Variants in ADAMTS7 observed in about 807,000 individuals in gnomAD.
ADAMTS7 encodes the protein A disintegrin and metalloproteinase with thrombospondin motifs 7.
ADAMTS7 carries 89 observed loss-of-function variants against 172.6 expected under a neutral mutation model. The ratio of observed to expected loss-of-function variants is 0.52; its 90% CI spans 0.43 to 0.61. The LOEUF (loss-of-function observed/expected upper bound fraction) is 0.61. Among genes scored for constraint, ADAMTS7 ranks in the 20% least tolerant of loss-of-function variants. ADAMTS7 has a pLI of 0.00. For synonymous variants in ADAMTS7, 885 were observed against 978.4 expected, an observed-to-expected ratio of 0.90 and a Z score of 1.78; for missense variants, 1,973 against 2,355.6, an observed-to-expected ratio of 0.84 and a Z score of 3.36.
At chr15:78,790,876 G>A (rs938295243) in intron 5 of ADAMTS7, 82 bp from the exon 6 acceptor site, 67 of 1,581,622 alleles carry the variant, frequency 4.2e-5, no homozygotes, top group Non-Finnish European at 5.1e-5. Flanking sequence ...ACGAAGGCAG[G>A]AGACAGAGGC....
At chr15:78,782,980 G>A (rs1280777087) in intron 8 of ADAMTS7, among the ~76,000 whole-genome samples, 1 of 129,494 alleles carries the variant, frequency 7.7e-6, no homozygotes, top group African/African-American at 2.6e-5. Flanking sequence ...AGGACCTACA[G>A]AGAAAAGGGG....
Position 78,811,129 on chromosome 15 carries a change from G to A in ADAMTS7, c.92C>T (p.Pro31Leu). The change falls in exon 1 of 24, where the codon CCC becomes CTC. Residue 31 changes from proline to leucine, a missense_variant. Physicochemically the swap from Pro to Leu is moderately conservative, Grantham distance 98. Coordinates refer to ENST00000388820, the MANE Select transcript of ADAMTS7 (RefSeq NM_014272.5). ...LCALAPGAPG[P>L]APGRATEGRA... The stretch of plus-strand genomic sequence containing the variant: ...GAGGGGCGGACACCCACCTGGTGCG[G>A]GTCCGGGGGCGCCGGGAGCCAGAGC... The A allele has an allele frequency of 8.1e-7, 1 of 1,230,128 alleles. No individual in the cohort carries two copies. Among genetic ancestry groups the A allele is most frequent in the Non-Finnish European group, 1.0e-6 (1 of 986,852 alleles). 76.2% of individuals were successfully genotyped at this position (1,230,128 alleles called of 1,614,324 possible). A position where few individuals can be genotyped will look rare whatever the true frequency, so the allele number is the denominator to read the frequency against.
At chr15:78,781,460 G>T (rs2055427543) in intron 8 of ADAMTS7, among the ~76,000 whole-genome samples, 1 of 152,130 alleles carries the variant, frequency 6.6e-6, no homozygotes, top group South Asian at 2.1e-4. Context: ...CCCTCCATTG[G>T]GGAGGCACGT....
chr15:78,780,865 A>G (rs1346364019), intron 8 of ADAMTS7, among the ~76,000 whole-genome samples: 1 of 152,078 alleles, frequency 6.6e-6, no homozygotes, highest in African/African-American at 2.4e-5. Flanking sequence ...CCCTCTCCCC[A>G]TTCCTACAGA....
Position 78,768,235 on chromosome 15 carries a change from C to G in ADAMTS7, c.2543G>C (p.Cys848Ser). The G allele has an allele frequency of 1.9e-6, 3 of 1,610,900 alleles. No homozygotes were observed. Among genetic ancestry groups the G allele is most frequent in the Non-Finnish European group, 2.5e-6 (3 of 1,179,666 alleles). The change falls in exon 17 of 24, where the codon TGC becomes TCC. Residue 848 changes from cysteine to serine, a missense_variant. Coordinates refer to ENST00000388820, the MANE Select transcript of ADAMTS7 (RefSeq NM_014272.5). The stretch of plus-strand genomic sequence containing the variant: ...CACGGGCCCTGCCTGCCGCTCCAAG[C>G]AGTACACATTCTGCCTCTGCACACC... ...GRGVQRQNVY[C>S]LERQAGPVDE...
At chr15:78,782,155 C>T (rs1303962763) in intron 8 of ADAMTS7, among the ~76,000 whole-genome samples, 4 of 151,956 alleles carry the variant, frequency 2.6e-5, no homozygotes, top group Admixed American at 2.6e-4. Context: ...CCTAGCCTCC[C>T]GAGTAGCTGG....
In ADAMTS7 at chr15:78,766,749, C is replaced by A. The variant is rs779064316; in HGVS notation, c.3162G>T (p.Leu1054=). The A allele has an allele frequency of 6.2e-7, 1 of 1,610,644 alleles. No homozygotes were observed. The highest frequency in any genetic ancestry group is 2.2e-5 in the East Asian group (1 of 44,878). The change falls in exon 19 of 24, where the codon CTG becomes CTT. Residue 1054 remains leucine (L), a synonymous_variant. Transcript: ENST00000388820. ...AGTCGTCCACAAACACGGGCCCCGG[C>A]AGGTCCAGCTCTGGAGCCTCCTCCT... ...AIEEEAPELD[L]PGPVFVDDFY...
At chr15:78,804,141 A>C (rs1453056936) in intron 1 of ADAMTS7, among the ~76,000 whole-genome samples, 1 of 152,190 alleles carries the variant, frequency 6.6e-6, no homozygotes, top group Non-Finnish European at 1.5e-5. Flanking sequence ...ACTGAGACTC[A>C]AGTCCCCCAA....
At chr15:78,769,732 G>C (rs1357569874) in intron 16 of ADAMTS7, among the ~76,000 whole-genome samples, 1 of 152,252 alleles carries the variant, frequency 6.6e-6, no homozygotes, top group African/African-American at 2.4e-5. Context: ...GTCTGTTCCA[G>C]CCACCACAGG....
chr15:78,805,277 A>C (rs2055773127), intron 1 of ADAMTS7, among the ~76,000 whole-genome samples: 1 of 152,194 alleles, frequency 6.6e-6, no homozygotes, highest in African/African-American at 2.4e-5. Context: ...TCAGTTATTG[A>C]TTTTTTGGTT....
chr15:78,785,205 G>A (rs902685068), intron 8 of ADAMTS7, among the ~76,000 whole-genome samples: 10 of 152,068 alleles, frequency 6.6e-5, no homozygotes, highest in Non-Finnish European at 1.2e-4. Context: ...GGATCTGGAA[G>A]GCCTGGAGAA....
At chr15:78,783,800 C>T (rs1332804641) in intron 8 of ADAMTS7, among the ~76,000 whole-genome samples, 1 of 152,050 alleles carries the variant, frequency 6.6e-6, no homozygotes, top group Non-Finnish European at 1.5e-5. Flanking sequence ...AACTTTTGAG[C>T]ACTAACATGA....
chr15:78,764,848 T>C, intron 19 of ADAMTS7, 141 bp from the exon 20 acceptor site: 3 of 902,080 alleles, frequency 3.3e-6, no homozygotes, highest in Non-Finnish European at 3.1e-6. Context: ...ATTTGCAAAA[T>C]AGGCTCCTTC....
At chr15:78,806,123 CACACAAAAAAAAAAAAA>C (rs1430308975) in intron 1 of ADAMTS7, among the ~76,000 whole-genome samples, 220 of 20,066 alleles carry the variant, frequency 0.011, no homozygotes, top group African/African-American at 0.015. Context: ...CACACACACA[CACACAAAAAAAAAAAAA>C]AAAAAAAAAA....
chr15:78,767,755 C>T (rs2055180423), intron 17 of ADAMTS7, among the ~76,000 whole-genome samples, 163 bp from the exon 18 acceptor site: 1 of 152,042 alleles, frequency 6.6e-6, no homozygotes, highest in African/African-American at 2.4e-5. Context: ...AGGTAAGTGT[C>T]CTGCCCTCAA....
At position 78,800,411 on chromosome 15, in the gene ADAMTS7, G is replaced by A; in HGVS notation, c.237C>T (p.Pro79=). ...CGCGGTATTGTAGCTCGTAGAAGGC[G>A]GGCGCGTCTCGGCGCACAGATACAT... is the stretch of plus-strand genomic sequence containing the variant. ...KRDVSVRRDA[P]AFYELQYRGR... is the part of the protein sequence containing the mutation. The change falls in exon 2 of 24, where the codon CCC becomes CCT. Residue 79 remains proline (P), a synonymous_variant. Coordinates refer to ENST00000388820, the MANE Select transcript of ADAMTS7 (RefSeq NM_014272.5). The A allele has an allele frequency of 6.2e-7, 1 of 1,609,132 alleles. No individual in the cohort carries two copies. The highest frequency in any genetic ancestry group is 1.3e-5 in the African/African-American group (1 of 75,008).
chr15:78,761,165 C>A (rs546423771), intron 23 of ADAMTS7, among the ~76,000 whole-genome samples: 5 of 152,344 alleles, frequency 3.3e-5, no homozygotes, highest in African/African-American at 4.8e-5. Context: ...ACCACCCATG[C>A]CAGAGGCAGG....
rs373514301 is a variant in ADAMTS7 at position 78,776,350 on chromosome 15, A to G, written c.1561-17T>C. On this transcript the variant is annotated splice_polypyrimidine_tract_variant and intron_variant, in intron 10 of 23. Transcript: ENST00000388820. ...GAGACACCACTACTGAGACAGACGG[A>G]GGTAGAGCCACCCCACCCCCAAGTC... 8.7e-6 allele frequency: 14 copies of G among 1,605,268 alleles called. No individual in the cohort carries two copies. The highest frequency in any genetic ancestry group is 1.2e-5 in the Non-Finnish European group (14 of 1,175,642).
intron 8 of ADAMTS7, among the ~76,000 whole-genome samples, chr15:78,786,521 C>A (rs1182751737): frequency 1.3e-5 from 2 of 152,164 alleles, no homozygotes; most frequent in African/African-American, 4.8e-5. Flanking sequence ...AGACAATGAC[C>A]AAGGTGCCCC....
Sources: allele counts gnomAD v4.1 joint callset (sites outside exome capture counted in the v4.1 genomes callset), GRCh38; gene constraint gnomAD v4.1.1; transcripts MANE v1.5; gene names NCBI Gene and HGNC (gene_info 2026-07-23, HGNC 2026-07-21).